The following OR9Q1 variants were observed in gnomAD, a reference collection of about 807,000 sequenced individuals.
The protein encoded by OR9Q1 is olfactory receptor 9Q1.
For missense variants in OR9Q1, 374 were observed against 378.8 expected, an observed-to-expected ratio of 0.99 and a Z score of 0.11; for synonymous variants, 153 against 148.6, an observed-to-expected ratio of 1.03 and a Z score of -0.22.
At chr11:58,170,424 A>G (rs12417714) in intron 2 of OR9Q1, among the ~76,000 whole-genome samples, 28,789 of 152,056 alleles carry the variant, frequency 0.19, 3,176 homozygotes, top group Non-Finnish European at 0.25. Context: ...GATTGCTATT[A>G]TATTAAGATT....
intron 2 of OR9Q1, among the ~76,000 whole-genome samples, chr11:58,085,722 A>G (rs1853627845): frequency 6.6e-6 from 1 of 151,908 alleles, no homozygotes; most frequent in African/African-American, 2.4e-5. Flanking sequence ...TGATAAATAT[A>G]AAACTAATAA....
chr11:58,161,585 C>A (rs1363851958), intron 2 of OR9Q1, among the ~76,000 whole-genome samples: 1 of 151,628 alleles, frequency 6.6e-6, no homozygotes, highest in East Asian at 1.9e-4. Flanking sequence ...ACTCTGTCAC[C>A]CAGGCTGGAG....
At chr11:58,125,055 A>G (rs1420759695) in intron 2 of OR9Q1, among the ~76,000 whole-genome samples, 1 of 152,204 alleles carries the variant, frequency 6.6e-6, no homozygotes, top group East Asian at 1.9e-4. Flanking sequence ...GAGTCCTAGT[A>G]CATATGACTA....
At chr11:58,121,549 C>A (rs879352143) in intron 2 of OR9Q1, among the ~76,000 whole-genome samples, 13 of 152,198 alleles carry the variant, frequency 8.5e-5, no homozygotes, top group Admixed American at 6.5e-4. Flanking sequence ...GGATCCACAA[C>A]CAAGTCTCCA....
In OR9Q1 at chr11:58,180,070, C is replaced by T. The variant is rs1854648261; in HGVS notation, c.626C>T (p.Ala209Val). ...IIMFAIFVIPASMVVILVSYL... is the reference protein window; with the variant it reads ...IIMFAIFVIPVSMVVILVSYL... ...ATGTTTGCCATTTTTGTCATCCCTG[C>T]TTCCATGGTGGTGATCTTGGTGTCC... The change falls in exon 3 of 3, where the codon GCT becomes GTT. Residue 209 changes from alanine to valine, a missense_variant. Physicochemically the swap from Ala to Val is moderately conservative, Grantham distance 64. Transcript: ENST00000335397. The T allele has an allele frequency of 6.2e-7, 1 of 1,614,116 alleles. No individual in the cohort carries two copies. Among genetic ancestry groups the T allele is most frequent in the African/African-American group, 1.3e-5 (1 of 74,940 alleles).
intron 1 of OR9Q1, among the ~76,000 whole-genome samples, chr11:58,043,107 T>C (rs1051414191): frequency 3.9e-5 from 6 of 152,010 alleles, no homozygotes; most frequent in Non-Finnish European, 7.4e-5. Flanking sequence ...GACAATTTGA[T>C]CTCTTTCCTT....
At chr11:58,059,555 G>A (rs1853359580) in intron 2 of OR9Q1, among the ~76,000 whole-genome samples, 1 of 151,722 alleles carries the variant, frequency 6.6e-6, no homozygotes, top group Admixed American at 6.6e-5. Context: ...AATTAGCCGG[G>A]TGTGGTGGCG....
intron 2 of OR9Q1, among the ~76,000 whole-genome samples, chr11:58,173,124 C>CTTTAT (rs906448119): frequency 2.0e-5 from 3 of 151,894 alleles, no homozygotes; most frequent in East Asian, 1.9e-4. Flanking sequence ...ATGGTATTTT[C>CTTTAT]TTTATTTTAT....
chr11:58,043,613 A>G (rs1468565924), intron 1 of OR9Q1, among the ~76,000 whole-genome samples: 2 of 152,134 alleles, frequency 1.3e-5, no homozygotes, highest in Admixed American at 1.3e-4. Flanking sequence ...TGCCTTTACT[A>G]TAATAACTTC....
At chr11:58,142,021 T>C (rs1416166367) in intron 2 of OR9Q1, among the ~76,000 whole-genome samples, 1 of 152,192 alleles carries the variant, frequency 6.6e-6, no homozygotes, top group Non-Finnish European at 1.5e-5. Flanking sequence ...TTATTTTCTA[T>C]TAGTTGTGGC....
intron 2 of OR9Q1, among the ~76,000 whole-genome samples, chr11:58,116,356 T>C (rs1164862334): frequency 1.3e-5 from 2 of 152,320 alleles, no homozygotes; most frequent in Non-Finnish European, 1.5e-5. Context: ...CAAGAGTTTC[T>C]CCAGTGTGTA....
At chr11:58,160,043 C>T (rs542714312) in intron 2 of OR9Q1, among the ~76,000 whole-genome samples, 1 of 152,208 alleles carries the variant, frequency 6.6e-6, no homozygotes, top group Non-Finnish European at 1.5e-5. Context: ...CTGGCTCTCA[C>T]TTTCACTTGG....
chr11:58,035,258 G>T (rs1853090093), intron 1 of OR9Q1, among the ~76,000 whole-genome samples: 1 of 62,934 alleles, frequency 1.6e-5, no homozygotes, highest in Non-Finnish European at 3.3e-5. Context: ...TTTAATTATT[G>T]CAGAAAAAGA....
chr11:58,124,010 G>A (rs1273248824), intron 2 of OR9Q1, among the ~76,000 whole-genome samples: 4 of 152,148 alleles, frequency 2.6e-5, no homozygotes, highest in Non-Finnish European at 4.4e-5. Flanking sequence ...ATATAGTAAC[G>A]ATTCTTGAAA....
intron 2 of OR9Q1, chr11:58,118,648 T>C: frequency 6.2e-7 from 1 of 1,613,958 alleles, no homozygotes; most frequent in Non-Finnish European, 8.5e-7. Context: ...CTCCAGAGAT[T>C]TGCCTGAGCC....
intron 2 of OR9Q1, among the ~76,000 whole-genome samples, chr11:58,074,752 A>T (rs919731027): frequency 6.6e-6 from 1 of 152,194 alleles, no homozygotes; most frequent in African/African-American, 2.4e-5. Flanking sequence ...TTTGCATTGA[A>T]GTCTTTAATC....
chr11:58,034,894 C>G (rs1252144067), intron 1 of OR9Q1, among the ~76,000 whole-genome samples: 1 of 149,862 alleles, frequency 6.7e-6, no homozygotes, highest in African/African-American at 2.5e-5. Flanking sequence ...GTGGTGCGAT[C>G]TTGGCTCATT....
chr11:58,031,309 G>A, intron 1 of OR9Q1: 2 of 1,614,116 alleles, frequency 1.2e-6, no homozygotes, highest in Non-Finnish European at 1.7e-6. Context: ...GTTTCCTACT[G>A]GCTGCCATGG....
chr11:58,035,636 C>T (rs1367729438), intron 1 of OR9Q1, among the ~76,000 whole-genome samples: 18 of 152,160 alleles, frequency 1.2e-4, no homozygotes, highest in Admixed American at 1.0e-3. Flanking sequence ...GACATATTTT[C>T]CTTAGGGGCC....
Sources: gnomAD v4.1 joint callset for allele counts (sites outside exome capture counted in the v4.1 genomes callset) on GRCh38, gnomAD v4.1.1 for gene constraint, MANE v1.5 for transcripts, NCBI Gene and HGNC (gene_info 2026-07-23, HGNC 2026-07-21) for gene names.